The following DCUN1D1 variants were observed in gnomAD, a reference collection of about 807,000 sequenced individuals.
DCUN1D1 encodes defective in cullin neddylation 1 domain containing 1, also known as DCN1-like protein 1.
Under a neutral mutation model 39.0 loss-of-function variants are expected in DCUN1D1, and 3 were observed. The observed-to-expected ratio is 0.08, with a 90% CI of 0.04 to 0.20. The LOEUF (loss-of-function observed/expected upper bound fraction) is 0.20. DCUN1D1 is among the 10% of genes least tolerant of loss of function. The pLI, the probability that DCUN1D1 is intolerant of heterozygous loss-of-function variation, is 1.00. For synonymous variants in DCUN1D1, 82 were observed against 96.3 expected, an observed-to-expected ratio of 0.85 and a Z score of 0.87; for missense variants, 158 against 302.4, an observed-to-expected ratio of 0.52 and a Z score of 3.54.
chr3:182,966,877 C>T (rs959834189), intron 1 of DCUN1D1, among the ~76,000 whole-genome samples: 4 of 152,216 alleles, frequency 2.6e-5, no homozygotes, highest in Admixed American at 6.5e-5. Flanking sequence ...GAGGCCCAGG[C>T]GGGAGGATCA....
Position 182,939,360 on chromosome 3 carries a change from G to T in DCUN1D1, c.*5734C>A, listed in dbSNP as rs181312916. The T allele has an allele frequency of 6.6e-6, 1 of 152,092 alleles. No individual in the cohort carries two copies. The highest frequency in any genetic ancestry group is 2.4e-5 in the African/African-American group (1 of 41,400). 9.4% of individuals were successfully genotyped at this position (152,092 alleles called of 1,614,324 possible). ...CACAACCTGACAATTCCACAACTAG[G>T]AATCTGAGATGAAAACATGTCCACA... On this transcript the variant is annotated 3_prime_UTR_variant, in exon 7 of 7. Coordinates refer to ENST00000292782, the MANE Select transcript of DCUN1D1 (RefSeq NM_020640.4).
At chr3:182,982,675 T>G (rs189773105), upstream of DCUN1D1, among the ~76,000 whole-genome samples, 1 of 152,226 alleles carries the variant, frequency 6.6e-6, no homozygotes, top group African/African-American at 2.4e-5. Context: ...TGGAGTCTAG[T>G]TCTGTCACCC....
At chr3:182,982,539 C>A, upstream of DCUN1D1, among the ~76,000 whole-genome samples, 1 of 152,204 alleles carries the variant, frequency 6.6e-6, no homozygotes, top group East Asian at 1.9e-4. Context: ...CACCACTCTT[C>A]CTGCCTCATC....
intron 4 of DCUN1D1, among the ~76,000 whole-genome samples, chr3:182,948,480 C>T (rs1050261633): frequency 6.6e-6 from 1 of 151,898 alleles, no homozygotes; most frequent in African/African-American, 2.4e-5. Context: ...GAGAACTACG[C>T]TTACCACACA....
At chr3:182,959,623 T>C (rs1399213215) in intron 4 of DCUN1D1, among the ~76,000 whole-genome samples, 1 of 151,830 alleles carries the variant, frequency 6.6e-6, no homozygotes, top group Non-Finnish European at 1.5e-5. Context: ...ACTTTATTAC[T>C]ATGTATTTGG....
At chr3:182,961,174 A>G in intron 4 of DCUN1D1, 52 bp downstream of exon 4, 3 of 1,226,190 alleles carry the variant, frequency 2.4e-6, no homozygotes, top group Non-Finnish European at 3.4e-6. Context: ...CGACACTGTC[A>G]ATGTATTTGA....
chr3:182,946,689 GA>G, intron 6 of DCUN1D1, among the ~76,000 whole-genome samples: 1 of 151,848 alleles, frequency 6.6e-6, no homozygotes, highest in South Asian at 2.1e-4. Context: ...TTCCTAAACT[GA>G]AAACCTAAAA....
chr3:182,950,125 C>T (rs892051837), intron 4 of DCUN1D1, among the ~76,000 whole-genome samples: 3 of 152,104 alleles, frequency 2.0e-5, no homozygotes, highest in Admixed American at 1.3e-4. Flanking sequence ...TTTCGAACTC[C>T]ATCAAGAAAC....
Position 182,965,700 on chromosome 3 carries a change from T to C in DCUN1D1, c.57A>G (p.Thr19=), listed in dbSNP as rs1354325791. Residue 19 remains threonine (T), a synonymous_variant, in exon 2 of 7, where the codon ACA becomes ACG. Transcript: ENST00000292782. ...KDKVRQFMIF[T]QSSEKTAVSC... is the part of the protein sequence containing the mutation. ...TTACTGCTGTTTTTTCACTAGATTG[T>C]GTGAAGATCATAAACTGACGAACTT... 9 of 1,613,848 alleles carry C rather than the reference T, an allele frequency of 5.6e-6. No homozygotes were observed. The highest frequency in any genetic ancestry group is 7.6e-6 in the Non-Finnish European group (9 of 1,179,896).
upstream of DCUN1D1, chr3:182,980,552 G>A (rs1386705046): frequency 3.0e-5 from 36 of 1,206,156 alleles, no homozygotes; most frequent in East Asian, 1.8e-4. Context: ...CGGCGGCGGC[G>A]GCGGCGGCTC....
In DCUN1D1 at chr3:182,948,446, G is replaced by C. The variant is rs1384850394; in HGVS notation, c.521-814C>G. 3.9e-5 allele frequency among the ~76,000 whole-genome samples: 6 copies of C among 152,148 alleles called. No individual in the cohort carries two copies. In the East Asian group the frequency reaches 9.6e-4, roughly 24 times the overall value. On this transcript the variant is annotated intron_variant, in intron 4 of 6. Transcript: ENST00000292782. ...AGAGAACTACACTTATCACACGACA[G>C]AGAACTACACTTATCACACAACAGA...
intron 6 of DCUN1D1, 94 bp from the exon 7 acceptor site, chr3:182,945,267 C>T: frequency 1.1e-6 from 1 of 934,574 alleles, no homozygotes; most frequent in Non-Finnish European, 1.6e-6. Flanking sequence ...AAGACTTCCT[C>T]ATAAGCGTTA....
chr3:182,945,093 G>A lies in DCUN1D1; in HGVS notation c.*1C>T. The A allele has an allele frequency of 6.2e-7, 1 of 1,611,624 alleles. No individual in the cohort carries two copies. On this transcript the variant is annotated 3_prime_UTR_variant, in exon 7 of 7. Transcript: ENST00000292782. ...GTACATTCTAGAAGGTTCCTTTAGT[G>A]CTACACTGTTGTACTTTTTGTCCCA...
At chr3:182,954,309 TGATA>T (rs1376732446) in intron 4 of DCUN1D1, among the ~76,000 whole-genome samples, 5 of 152,314 alleles carry the variant, frequency 3.3e-5, no homozygotes, top group Non-Finnish European at 2.9e-5. Flanking sequence ...CTTTTCTGAT[TGATA>T]TTTTCAATTG....
Position 182,965,739 on chromosome 3 carries a change from T to C in DCUN1D1, c.18A>G (p.Ser6=). The C allele has an allele frequency of 6.2e-7, 1 of 1,612,304 alleles. No individual in the cohort carries two copies. Among genetic ancestry groups the C allele is most frequent in the Non-Finnish European group, 8.5e-7 (1 of 1,178,994 alleles). The change falls in exon 2 of 7, where the codon TCA becomes TCG. Residue 6 remains serine, a synonymous_variant. Coordinates refer to ENST00000292782, the MANE Select transcript of DCUN1D1 (RefSeq NM_020640.4). Reference sequence around the variant, plus strand: ...ACTGACGAACTTTATCCTTCTGCGATGATTTCAACTTGTTCTATTGAAACC... The same window carrying C: ...ACTGACGAACTTTATCCTTCTGCGACGATTTCAACTTGTTCTATTGAAACC... MNKLK[S]SQKDKVRQFM... is the part of the protein sequence containing the mutation.
chr3:182,946,198 A>AGG (rs1726389413), intron 6 of DCUN1D1, among the ~76,000 whole-genome samples: 1 of 152,242 alleles, frequency 6.6e-6, no homozygotes, highest in African/African-American at 2.4e-5. Context: ...AAGAAATAGC[A>AGG]GAAAAGTATT....
rs1726255312 is a variant in DCUN1D1, at chr3:182,943,749, G to A, written c.*1345C>T. 6.6e-6 allele frequency: 1 copy of A among 152,516 alleles called. No homozygotes were observed. The highest frequency in any genetic ancestry group is 1.5e-5 in the Non-Finnish European group (1 of 68,004). The allele number at this position is 152,516 out of a possible 1,614,324, so 9.4% of individuals were successfully genotyped here. ...AACCCTTCTTCACATGTCAGTAAGTGAACAGGGAAATGACCATTTTCAGCA... is the reference window on the plus strand; with the variant it reads ...AACCCTTCTTCACATGTCAGTAAGTAAACAGGGAAATGACCATTTTCAGCA... On this transcript the variant is annotated 3_prime_UTR_variant, in exon 7 of 7. Coordinates refer to ENST00000292782, the MANE Select transcript of DCUN1D1 (RefSeq NM_020640.4).
At chr3:182,953,810 T>C (rs1035392061) in intron 4 of DCUN1D1, among the ~76,000 whole-genome samples, 2 of 152,152 alleles carry the variant, frequency 1.3e-5, no homozygotes, top group African/African-American at 4.8e-5. Context: ...TTGCATAAAA[T>C]TGAGATCCTT....
upstream of DCUN1D1, among the ~76,000 whole-genome samples, chr3:182,984,900 A>G (rs1438230490): frequency 6.6e-6 from 1 of 152,220 alleles, no homozygotes; most frequent in African/African-American, 2.4e-5. Context: ...GGTAAACTAT[A>G]CACAGACACA....
Sources: allele counts gnomAD v4.1 joint callset (sites outside exome capture counted in the v4.1 genomes callset), GRCh38; gene constraint gnomAD v4.1.1; transcripts MANE v1.5; gene names NCBI Gene and HGNC (gene_info 2026-07-23, HGNC 2026-07-21).